CHAT: variants seen among roughly 807,000 people sequenced by gnomAD.
CHAT encodes the protein choline O-acetyltransferase, also known as acetyl CoA:choline O-acetyltransferase.
A neutral mutation model predicts 76.9 loss-of-function variants in CHAT; 61 were observed. The ratio of observed to expected loss-of-function variants is 0.79; its 90% CI spans 0.65 to 0.98. The LOEUF (loss-of-function observed/expected upper bound fraction) is 0.98, where lower values mean the gene tolerates loss of function less well. CHAT is among the 50% of genes least tolerant of loss of function. The pLI, the probability that CHAT is intolerant of heterozygous loss-of-function variation, is 0.00. For missense variants in CHAT, 946 were observed against 986.9 expected (o/e 0.96, Z 0.56); for synonymous variants, 407 against 397.4 (o/e 1.02, Z -0.29).
chr10:49,645,839 C>T (rs1252758732), intron 7 of CHAT, among the ~76,000 whole-genome samples: 3 of 152,142 alleles, frequency 2.0e-5, no homozygotes, highest in African/African-American at 4.8e-5. Context: ...CAGCTGTGGG[C>T]CAGGCTTGGA....
At chr10:49,638,077 C>T (rs1839354493) in intron 7 of CHAT, among the ~76,000 whole-genome samples, 1 of 152,180 alleles carries the variant, frequency 6.6e-6, no homozygotes, top group African/African-American at 2.4e-5. Flanking sequence ...GCTATTTCTC[C>T]TTTCAGTTCT....
chr10:49,609,732 G>A (rs939400474), upstream of CHAT, among the ~76,000 whole-genome samples: 1 of 152,150 alleles, frequency 6.6e-6, no homozygotes, highest in Non-Finnish European at 1.5e-5. Flanking sequence ...CTCCTGGCGG[G>A]AGTGTGTGTG....
intron 4 of CHAT, 52 bp downstream of exon 4, chr10:49,620,665 GGCC>G: frequency 1.4e-6 from 2 of 1,417,522 alleles, no homozygotes; most frequent in Non-Finnish European, 2.0e-6. Flanking sequence ...CCAAGGCAGG[GGCC>G]CTTACCCCAG....
chr10:49,610,449 A>C, upstream of CHAT: 2 of 351,962 alleles, frequency 5.7e-6, no homozygotes, highest in Non-Finnish European at 1.0e-5. Context: ...CCCCGGGCGA[A>C]GTGCGCCCAG....
intron 13 of CHAT, among the ~76,000 whole-genome samples, chr10:49,656,458 G>A (rs147578758): frequency 6.6e-6 from 1 of 152,178 alleles, no homozygotes; most frequent in Admixed American, 6.5e-5. Flanking sequence ...AGAGCCCTCA[G>A]AAAGTAGCAG....
chr10:49,620,495 G>T lies in CHAT; in HGVS notation c.580G>T (p.Val194Leu). ...LERQEKTANW[V>L]SEYWLNDMYL... Reference sequence around the variant, plus strand: ...CGGCCTTCCCTGCCCTCCCCGGCAGGTGTCTGAGTACTGGCTGAATGACAT... The same window carrying T: ...CGGCCTTCCCTGCCCTCCCCGGCAGTTGTCTGAGTACTGGCTGAATGACAT... Residue 194 changes from valine to leucine, a missense_variant and splice_region_variant, in exon 4 of 15, where the codon GTG becomes TTG. This residue lies in a region of CHAT where 548 missense variants were observed against 516.2 expected (regional missense o/e 1.06). Coordinates refer to ENST00000337653, the MANE Select transcript of CHAT (RefSeq NM_020549.5). 1 of 1,610,474 alleles carries T rather than the reference G, an allele frequency of 6.2e-7. No individual in the cohort carries two copies. The highest frequency in any genetic ancestry group is 8.5e-7 in the Non-Finnish European group (1 of 1,177,086).
At chr10:49,648,755 ACAC>A in intron 9 of CHAT, 148 bp downstream of exon 9, 1 of 640,992 alleles carries the variant, frequency 1.6e-6, no homozygotes, top group East Asian at 2.8e-5. Context: ...ACACACACAC[ACAC>A]GATGAATTTG....
Position 49,627,739 on chromosome 10 carries a change from T to C in CHAT, c.1065T>C (p.Ser355=), listed in dbSNP as rs1838974597. Reference sequence around the variant, plus strand: ...TGCCTCCAATTGGCCTGCTGACGTCTGACGGGAGGAGCGAGTGGGCCGAGG... The same window carrying C: ...TGCCTCCAATTGGCCTGCTGACGTCCGACGGGAGGAGCGAGTGGGCCGAGG... ...ERLPPIGLLT[S]DGRSEWAEAR... The change falls in exon 7 of 15, where the codon TCT becomes TCC. Residue 355 remains serine (S), a synonymous_variant. Transcript: ENST00000337653. The C allele has an allele frequency of 6.2e-7, 1 of 1,613,946 alleles. No homozygotes were observed. The highest frequency in any genetic ancestry group is 1.3e-5 in the African/African-American group (1 of 74,938).
upstream of CHAT, chr10:49,611,579 C>T: frequency 6.2e-7 from 1 of 1,608,598 alleles, no homozygotes; most frequent in Non-Finnish European, 8.5e-7. Flanking sequence ...CCAGTGGGCA[C>T]TCCCATCCAC....
intron 11 of CHAT, among the ~76,000 whole-genome samples, chr10:49,653,916 C>T (rs1839956232): frequency 6.6e-6 from 1 of 152,278 alleles, no homozygotes; most frequent in African/African-American, 2.4e-5. Context: ...CCCTCCTCCT[C>T]CTGCCTGTGG....
intron 7 of CHAT, among the ~76,000 whole-genome samples, chr10:49,630,355 G>A (rs993232004): frequency 1.4e-5 from 2 of 146,670 alleles, no homozygotes; most frequent in East Asian, 1.9e-4. Context: ...AGAGGGAACG[G>A]CCAGCCACAT....
At chr10:49,610,442 C>G (rs1024561614), upstream of CHAT, 5 of 346,788 alleles carry the variant, frequency 1.4e-5, no homozygotes, top group Admixed American at 4.8e-5. Context: ...GGGCGCGCCC[C>G]GGGCGAAGTG....
At chr10:49,617,496 C>T (rs929903741) in intron 2 of CHAT, among the ~76,000 whole-genome samples, 1 of 152,204 alleles carries the variant, frequency 6.6e-6, no homozygotes, top group African/African-American at 2.4e-5. Flanking sequence ...GCCAGAAGTC[C>T]AGGAGAGTCT....
Position 49,647,932 on chromosome 10 carries a change from G to A in CHAT, c.1282-575G>A, listed in dbSNP as rs577262857. On this transcript the variant is annotated intron_variant, in intron 8 of 14. Transcript: ENST00000337653. ...TCATCAGCAGGGCAGATTATCAGGC[G>A]AACCAGAGAAGCCAGCAGGGCTTCA... The A allele has an allele frequency of 2.1e-4, 36 of 170,500 alleles. 1 individual carries two copies. In the East Asian group the frequency reaches 5.5e-3, roughly 26 times the overall value. 10.6% of individuals were successfully genotyped at this position (170,500 alleles called of 1,614,324 possible).
intron 11 of CHAT, among the ~76,000 whole-genome samples, chr10:49,652,936 A>T (rs1052345722): frequency 9.2e-5 from 14 of 152,110 alleles, no homozygotes; most frequent in African/African-American, 3.4e-4. Flanking sequence ...CCTTATCTAA[A>T]GCAGCCCCCT....
intron 11 of CHAT, among the ~76,000 whole-genome samples, chr10:49,654,600 C>T (rs981636870): frequency 3.9e-5 from 6 of 152,228 alleles, no homozygotes; most frequent in African/African-American, 1.4e-4. Context: ...ATGGGTCTGT[C>T]AGAAGCCCAG....
At chr10:49,646,913 G>A (rs774344586) in intron 8 of CHAT, among the ~76,000 whole-genome samples, 17 of 152,194 alleles carry the variant, frequency 1.1e-4, no homozygotes, top group Admixed American at 2.0e-4. Context: ...GCCAGTGGCC[G>A]AACCCAACTC....
At chr10:49,639,418 T>G (rs1330172814) in intron 7 of CHAT, among the ~76,000 whole-genome samples, 1 of 152,018 alleles carries the variant, frequency 6.6e-6, no homozygotes, top group Non-Finnish European at 1.5e-5. Context: ...GTTCTTTTTT[T>G]TTCAGCACTT....
rs1322337952 is a variant in CHAT at position 49,667,045 on chromosome 10, C to T, written c.*1999C>T. ...ACATGCATGCCCAGAGACGCAGTTCCTTCCACTGTCAAATGAGAACAAGAG... is the reference window on the plus strand; with the variant it reads ...ACATGCATGCCCAGAGACGCAGTTCTTTCCACTGTCAAATGAGAACAAGAG... On this transcript the variant is annotated 3_prime_UTR_variant, in exon 15 of 15. Coordinates refer to ENST00000337653, the MANE Select transcript of CHAT (RefSeq NM_020549.5). 6.6e-6 allele frequency among the ~76,000 whole-genome samples: 1 copy of T among 152,204 alleles called. No individual in the cohort carries two copies. Among genetic ancestry groups the T allele is most frequent in the Non-Finnish European group, 1.5e-5 (1 of 68,036 alleles).
Sources: gnomAD v4.1 joint callset for allele counts (sites outside exome capture counted in the v4.1 genomes callset) on GRCh38, gnomAD v4.1.1 for gene constraint, gnomAD v4.1.1 regional missense constraint, MANE v1.5 for transcripts, NCBI Gene and HGNC (gene_info 2026-07-23, HGNC 2026-07-21) for gene names.